The following FRMD4A variants were observed in gnomAD, a reference collection of about 807,000 sequenced individuals.
The protein encoded by FRMD4A is FERM domain containing 4A.
A neutral mutation model predicts 129.1 loss-of-function variants in FRMD4A; 29 were observed. That is an observed-to-expected ratio of 0.22 (90% confidence interval 0.17 to 0.31). FRMD4A has a LOEUF of 0.31. Among genes scored for constraint, FRMD4A ranks in the 10% least tolerant of loss-of-function variants. The pLI is 1.00. For synonymous variants in FRMD4A, 634 were observed against 571.6 expected (o/e 1.11, Z -1.56); for missense variants, 1,272 against 1,375.8 (o/e 0.92, Z 1.19).
At chr10:14,162,246 A>G (rs1047008110) in intron 2 of FRMD4A, among the ~76,000 whole-genome samples, 1 of 152,204 alleles carries the variant, frequency 6.6e-6, no homozygotes, top group Non-Finnish European at 1.5e-5. Context: ...TAGACAAGGC[A>G]TCTCTAACTG....
intron 3 of FRMD4A, among the ~76,000 whole-genome samples, chr10:13,813,380 G>A (rs566308426): frequency 1.3e-5 from 2 of 152,194 alleles, no homozygotes; most frequent in Non-Finnish European, 2.9e-5. Context: ...GGTGGAGGTT[G>A]CAGTGAGTAG....
intron 14 of FRMD4A, among the ~76,000 whole-genome samples, chr10:13,698,476 A>G (rs2086452116): frequency 6.6e-6 from 1 of 152,202 alleles, no homozygotes; most frequent in African/African-American, 2.4e-5. Context: ...GCTGTTCTAT[A>G]AAGAACATTC....
chr10:13,688,719 T>C (rs1375850282), intron 15 of FRMD4A, among the ~76,000 whole-genome samples: 1 of 152,016 alleles, frequency 6.6e-6, no homozygotes, highest in Non-Finnish European at 1.5e-5. Flanking sequence ...TTTTTATTTA[T>C]TTACTTATTT....
intron 12 of FRMD4A, among the ~76,000 whole-genome samples, chr10:13,722,884 A>T (rs1162176512): frequency 1.3e-5 from 2 of 151,698 alleles, no homozygotes; most frequent in Non-Finnish European, 2.9e-5. Context: ...TAGCTAGGTC[A>T]CCATGCTGGT....
At chr10:14,315,009 C>T (rs1049549613) in intron 2 of FRMD4A, among the ~76,000 whole-genome samples, 2 of 151,830 alleles carry the variant, frequency 1.3e-5, no homozygotes, top group African/African-American at 4.8e-5. Flanking sequence ...TTCATCACTT[C>T]TTTTTTGTCT....
chr10:14,073,545 G>C (rs1407282334), intron 2 of FRMD4A, among the ~76,000 whole-genome samples: 2 of 152,116 alleles, frequency 1.3e-5, no homozygotes, highest in Admixed American at 6.6e-5. Context: ...CTGGGGGCTG[G>C]GGTCACTTAT....
At chr10:13,782,422 CATTATTATTATT>C (rs34523427) in intron 6 of FRMD4A, among the ~76,000 whole-genome samples, 1 of 146,336 alleles carries the variant, frequency 6.8e-6, no homozygotes, top group African/African-American at 2.5e-5. Context: ...AAAGGAATCA[CATTATTATTATT>C]ATTATTATTA....
At chr10:13,967,396 T>G (rs1029175986) in intron 2 of FRMD4A, among the ~76,000 whole-genome samples, 2 of 150,866 alleles carry the variant, frequency 1.3e-5, no homozygotes, top group African/African-American at 4.9e-5. Flanking sequence ...GGGTGGGAAG[T>G]AGGTGAAGGA....
chr10:14,045,093 G>A (rs954655278), intron 2 of FRMD4A, among the ~76,000 whole-genome samples: 1 of 152,082 alleles, frequency 6.6e-6, no homozygotes, highest in Non-Finnish European at 1.5e-5. Context: ...TGTAGTGACA[G>A]GGCCTATCTA....
At chr10:14,033,595 G>T (rs535122398) in intron 2 of FRMD4A, among the ~76,000 whole-genome samples, 2 of 152,180 alleles carry the variant, frequency 1.3e-5, no homozygotes, top group African/African-American at 4.8e-5. Context: ...GACCAGCCTG[G>T]CCAACAAGGC....
At chr10:14,164,822 A>G (rs1305990251) in intron 2 of FRMD4A, among the ~76,000 whole-genome samples, 3 of 152,210 alleles carry the variant, frequency 2.0e-5, no homozygotes, top group Non-Finnish European at 2.9e-5. Context: ...ATGGCTTTGA[A>G]TGCAGCCCAA....
chr10:13,863,695 T>G (rs1318897068), intron 2 of FRMD4A, among the ~76,000 whole-genome samples: 3 of 152,042 alleles, frequency 2.0e-5, no homozygotes, highest in Non-Finnish European at 4.4e-5. Context: ...GTGCAACGCT[T>G]TAGGCTTCTG....
At chr10:13,901,253 T>G (rs2094815969) in intron 2 of FRMD4A, among the ~76,000 whole-genome samples, 1 of 152,200 alleles carries the variant, frequency 6.6e-6, no homozygotes, top group South Asian at 2.1e-4. Flanking sequence ...TAATTATAAT[T>G]TATTTATTGG....
At chr10:14,057,634 G>A (rs1174782857) in intron 2 of FRMD4A, among the ~76,000 whole-genome samples, 4 of 151,856 alleles carry the variant, frequency 2.6e-5, no homozygotes, top group South Asian at 2.1e-4. Context: ...GCAATGGCGC[G>A]ATCTCTGCTC....
chr10:14,129,919 G>C (rs776777285), intron 2 of FRMD4A, among the ~76,000 whole-genome samples: 9 of 152,166 alleles, frequency 5.9e-5, no homozygotes, highest in African/African-American at 9.7e-5. Context: ...TCCATGGCTG[G>C]AGCTGGGGCG....
intron 2 of FRMD4A, among the ~76,000 whole-genome samples, chr10:13,983,264 A>C (rs1247403390): frequency 6.6e-6 from 1 of 152,216 alleles, no homozygotes; most frequent in African/African-American, 2.4e-5. Flanking sequence ...ATTTGCAAGC[A>C]GTCCTCTTCC....
intron 15 of FRMD4A, among the ~76,000 whole-genome samples, chr10:13,679,662 G>A (rs574594937): frequency 6.6e-6 from 1 of 151,384 alleles, no homozygotes; most frequent in Non-Finnish European, 1.5e-5. Context: ...CCGTGAACCT[G>A]CTGCATGTAT....
chr10:14,158,837 AGAGGAGGAGGAG>A (rs71388159), intron 2 of FRMD4A, among the ~76,000 whole-genome samples: 28 of 137,134 alleles, frequency 2.0e-4, no homozygotes, highest in East Asian at 6.8e-4. Flanking sequence ...AGGAGGAGAA[AGAGGAGGAGGAG>A]GAGGAGGAGG....
intron 2 of FRMD4A, among the ~76,000 whole-genome samples, chr10:14,125,121 G>C (rs980824146): frequency 1.3e-5 from 2 of 152,148 alleles, no homozygotes; most frequent in African/African-American, 4.8e-5. Flanking sequence ...AAGTAATCAA[G>C]TCCAGGACTA....
Sources: gnomAD v4.1 joint callset for allele counts (sites outside exome capture counted in the v4.1 genomes callset) on GRCh38, gnomAD v4.1.1 for gene constraint, MANE v1.5 for transcripts, NCBI Gene and HGNC (gene_info 2026-07-23, HGNC 2026-07-21) for gene names.